The following TANC2 variants were observed in gnomAD, a reference collection of about 807,000 sequenced individuals.
TANC2 encodes protein TANC2.
TANC2 carries 26 observed loss-of-function variants against 210.5 expected under a neutral mutation model. That is an observed-to-expected ratio of 0.12 (90% CI 0.09 to 0.17). The LOEUF (loss-of-function observed/expected upper bound fraction) is 0.17, where lower values mean the gene tolerates loss of function less well. Among genes scored for constraint, TANC2 ranks in the 10% least tolerant of loss-of-function variants. The pLI, the probability that TANC2 is intolerant of heterozygous loss-of-function variation, is 1.00. For synonymous variants in TANC2, 931 were observed against 967.1 expected (o/e 0.96, Z 0.69); for missense variants, 2,129 against 2,608.9 (o/e 0.82, Z 4.01).
At chr17:63,395,185 G>C (rs1024483214) in intron 17 of TANC2, among the ~76,000 whole-genome samples, 3 of 152,232 alleles carry the variant, frequency 2.0e-5, no homozygotes, top group African/African-American at 7.2e-5. Context: ...CACTAAGCCA[G>C]AAGTGCCTCT....
intron 5 of TANC2, among the ~76,000 whole-genome samples, chr17:63,158,996 T>G (rs1254102154): frequency 6.6e-6 from 1 of 152,218 alleles, no homozygotes; most frequent in East Asian, 1.9e-4. Context: ...TTCCTTGCTA[T>G]GTGGGCGTCT....
At chr17:63,327,050 A>T (rs576164800) in intron 11 of TANC2, among the ~76,000 whole-genome samples, 51 of 152,244 alleles carry the variant, frequency 3.3e-4, no homozygotes, top group African/African-American at 6.5e-4. Flanking sequence ...CAACCTGATT[A>T]AAAAAATGGG....
intron 4 of TANC2, among the ~76,000 whole-genome samples, chr17:63,119,103 C>A (rs752831323): frequency 6.6e-6 from 1 of 151,838 alleles, no homozygotes; most frequent in Non-Finnish European, 1.5e-5. Context: ...TTTTTTAAAA[C>A]ATTTTTATAG....
At chr17:63,180,103 A>C (rs2040729473) in intron 5 of TANC2, among the ~76,000 whole-genome samples, 1 of 152,088 alleles carries the variant, frequency 6.6e-6, no homozygotes, top group Admixed American at 6.5e-5. Context: ...ACTGAACTCC[A>C]GCCTGGGTTG....
chr17:63,059,972 G>A (rs2035937904), intron 2 of TANC2, among the ~76,000 whole-genome samples: 1 of 152,136 alleles, frequency 6.6e-6, no homozygotes, highest in African/African-American at 2.4e-5. Flanking sequence ...CGTTTTCAGT[G>A]GATAGAGTTA....
Position 62,966,647 on chromosome 17 carries a change from C to T in TANC2, c.-126C>T, listed in dbSNP as rs1313223702. ...CGGGGCGTTGGAGGACTGCGAGGTG[C>T]TCCGGGAATCGCGGGCGGCGCCGGC... On this transcript the variant is annotated 5_prime_UTR_variant, in exon 1 of 28. Transcript: ENST00000689528. This position sits in a 1 kb window ranked among gnomAD's most constrained non-coding sequence, Gnocchi z 5.1. Among the ~76,000 whole-genome samples, 6 of 151,974 alleles carry T rather than the reference C, an allele frequency of 3.9e-5. No homozygotes were observed. The South Asian group carries it at 1.0e-3, about 26-fold the overall frequency.
intron 9 of TANC2, among the ~76,000 whole-genome samples, chr17:63,295,750 G>A (rs1269492374): frequency 6.6e-6 from 1 of 152,056 alleles, no homozygotes; most frequent in African/African-American, 2.4e-5. Context: ...GAAAAGGCCT[G>A]GATTTTAGAG....
intron 9 of TANC2, among the ~76,000 whole-genome samples, chr17:63,311,094 A>G (rs894232989): frequency 6.6e-6 from 1 of 152,236 alleles, no homozygotes; most frequent in African/African-American, 2.4e-5. Context: ...TTTTATCTAT[A>G]AAATGAAAGT....
At chr17:63,175,638 A>ATGTGAGTC (rs1286002172) in intron 5 of TANC2, among the ~76,000 whole-genome samples, 1 of 152,082 alleles carries the variant, frequency 6.6e-6, no homozygotes, top group Non-Finnish European at 1.5e-5. Flanking sequence ...GACATGAGAA[A>ATGTGAGTC]TGTGAGTCAT....
intron 5 of TANC2, among the ~76,000 whole-genome samples, chr17:63,164,562 T>A (rs2040142492): frequency 1.3e-5 from 2 of 152,134 alleles, no homozygotes; most frequent in South Asian, 4.1e-4. Flanking sequence ...GCATTTATTA[T>A]GAGGGATTGT....
At chr17:63,369,384 TTCATG>T (rs1555644469) in intron 14 of TANC2, among the ~76,000 whole-genome samples, 1 of 152,112 alleles carries the variant, frequency 6.6e-6, no homozygotes, top group Non-Finnish European at 1.5e-5. Context: ...GAAAAATTAC[TTCATG>T]TTGGCTAGGA....
chr17:63,080,154 T>C (rs1186274674), intron 3 of TANC2, among the ~76,000 whole-genome samples: 1 of 152,234 alleles, frequency 6.6e-6, no homozygotes, highest in Non-Finnish European at 1.5e-5. Context: ...ACAGTGCTAG[T>C]GCCTTGTATT....
intron 5 of TANC2, among the ~76,000 whole-genome samples, chr17:63,183,793 G>A (rs1016290640): frequency 4.6e-5 from 7 of 152,250 alleles, no homozygotes; most frequent in South Asian, 2.1e-4. Context: ...CGAGGTGGGC[G>A]GATCACGAGG....
At chr17:63,075,917 C>T (rs558843443) in intron 3 of TANC2, among the ~76,000 whole-genome samples, 1 of 152,108 alleles carries the variant, frequency 6.6e-6, no homozygotes, top group East Asian at 1.9e-4. Context: ...TTTGTTACCT[C>T]GAGAAACCCA....
At chr17:63,201,658 T>C (rs2041539736) in intron 7 of TANC2, among the ~76,000 whole-genome samples, 1 of 150,908 alleles carries the variant, frequency 6.6e-6, no homozygotes, top group Non-Finnish European at 1.5e-5. Flanking sequence ...CCTAGTTGAC[T>C]ACTTAGTCCT....
chr17:63,356,075 T>C (rs956497931), intron 14 of TANC2, among the ~76,000 whole-genome samples: 1 of 152,062 alleles, frequency 6.6e-6, no homozygotes, highest in South Asian at 2.1e-4. Flanking sequence ...GTGCATGATA[T>C]ATCCCACCAC....
chr17:63,009,669 A>G, intron 2 of TANC2, 43 bp downstream of exon 2: 1 of 1,558,520 alleles, frequency 6.4e-7, no homozygotes, highest in Non-Finnish European at 8.8e-7. Context: ...TATTTTACAA[A>G]TACAAGTTCT....
intron 19 of TANC2, among the ~76,000 whole-genome samples, chr17:63,400,191 A>G (rs754338639): frequency 1.3e-5 from 2 of 152,256 alleles, no homozygotes; most frequent in African/African-American, 4.8e-5. Flanking sequence ...CTTTGTTGCC[A>G]AGGGCATGGC....
At chr17:63,215,713 ATTTTG>A (rs930001813) in intron 7 of TANC2, among the ~76,000 whole-genome samples, 27 of 151,430 alleles carry the variant, frequency 1.8e-4, no homozygotes, top group Non-Finnish European at 3.1e-4. Flanking sequence ...ATTTTATTTT[ATTTTG>A]TTTTGTTTTG....
Sources: allele counts gnomAD v4.1 joint callset (sites outside exome capture counted in the v4.1 genomes callset), GRCh38; gene constraint gnomAD v4.1.1; non-coding constraint Gnocchi (gnomAD v3.1); transcripts MANE v1.5; gene names NCBI Gene and HGNC (gene_info 2026-07-23, HGNC 2026-07-21).